The following DAB1 variants were observed in gnomAD, a reference collection of about 807,000 sequenced individuals.
DAB1 encodes disabled homolog 1.
Under a neutral mutation model 64.6 loss-of-function variants are expected in DAB1, and 15 were observed. The ratio of observed to expected loss-of-function variants is 0.23; its 90% CI spans 0.16 to 0.36. The LOEUF is 0.36. Among genes scored for constraint, DAB1 ranks in the 10% least tolerant of loss-of-function variants. The pLI, the probability that DAB1 is intolerant of heterozygous loss-of-function variation, is 1.00. For synonymous variants in DAB1, 235 were observed against 251.9 expected (o/e 0.93, Z 0.64); for missense variants, 596 against 706.7 (o/e 0.84, Z 1.78).
At chr1:57,186,085 C>T (rs758760070) in intron 2 of DAB1, among the ~76,000 whole-genome samples, 34 of 152,186 alleles carry the variant, frequency 2.2e-4, no homozygotes, top group South Asian at 6.2e-4. Context: ...CCAGGTGAAT[C>T]AATGTCCCTG....
intron 2 of DAB1, among the ~76,000 whole-genome samples, chr1:58,508,594 C>T (rs1345570116): frequency 1.1e-4 from 17 of 152,176 alleles, no homozygotes; most frequent in Non-Finnish European, 1.5e-5. Context: ...CCCACCACTC[C>T]TTGGGGAAGG....
chr1:57,956,143 G>T (rs1175988485), intron 5 of DAB1, among the ~76,000 whole-genome samples: 1 of 152,100 alleles, frequency 6.6e-6, no homozygotes, highest in South Asian at 2.1e-4. Context: ...CTAAGTCAGG[G>T]GAACATTTAT....
At chr1:58,100,931 T>C (rs1178442091) in intron 5 of DAB1, among the ~76,000 whole-genome samples, 3 of 152,086 alleles carry the variant, frequency 2.0e-5, no homozygotes, top group Non-Finnish European at 4.4e-5. Context: ...CAGAAGAAAC[T>C]GAAGTCAAGG....
intron 5 of DAB1, among the ~76,000 whole-genome samples, chr1:57,952,142 C>T (rs780179497): frequency 6.6e-6 from 1 of 152,046 alleles, no homozygotes; most frequent in East Asian, 1.9e-4. Flanking sequence ...CCTCCAGGAA[C>T]GACCACATGA....
chr1:58,236,181 A>C (rs1660029337), intron 4 of DAB1, among the ~76,000 whole-genome samples: 1 of 150,212 alleles, frequency 6.7e-6, no homozygotes, highest in Non-Finnish European at 1.5e-5. Context: ...AAGGCCAAGG[A>C]GGGAGGGAAC....
chr1:58,246,842 G>A (rs1660559038), intron 4 of DAB1, among the ~76,000 whole-genome samples: 1 of 152,064 alleles, frequency 6.6e-6, no homozygotes, highest in African/African-American at 2.4e-5. Context: ...CTCTGTGTGT[G>A]AAGGTGTGTG....
chr1:58,054,217 C>T (rs1025739814), intron 5 of DAB1, among the ~76,000 whole-genome samples: 7 of 152,314 alleles, frequency 4.6e-5, no homozygotes, highest in South Asian at 4.1e-4. Flanking sequence ...GTTTTAGCTG[C>T]CTTTCTCCTT....
intron 3 of DAB1, among the ~76,000 whole-genome samples, chr1:58,456,521 G>C (rs1217247337): frequency 6.6e-6 from 1 of 152,202 alleles, no homozygotes; most frequent in Non-Finnish European, 1.5e-5. Context: ...TGTGGCAATG[G>C]AGGAGTGTGA....
intron 4 of DAB1, among the ~76,000 whole-genome samples, chr1:57,106,899 G>T (rs1368433555): frequency 6.6e-6 from 1 of 152,146 alleles, no homozygotes; most frequent in African/African-American, 2.4e-5. Context: ...CAAAGTAGGA[G>T]ATAGCACAGA....
chr1:57,062,851 G>A (rs775022303), intron 9 of DAB1, 33 bp downstream of exon 9: 59 of 1,584,856 alleles, frequency 3.7e-5, no homozygotes, highest in East Asian at 6.7e-5. Context: ...TCCAGGTCAC[G>A]GAAACCTGGC....
chr1:57,335,159 C>A (rs1676974953), intron 1 of DAB1, among the ~76,000 whole-genome samples: 1 of 151,986 alleles, frequency 6.6e-6, no homozygotes, highest in African/African-American at 2.4e-5. Context: ...TCCTGGCTTT[C>A]TTCTGGAGAC....
intron 7 of DAB1, among the ~76,000 whole-genome samples, chr1:57,586,441 C>T (rs1319132448): frequency 2.6e-5 from 4 of 151,290 alleles, no homozygotes; most frequent in Non-Finnish European, 4.4e-5. Flanking sequence ...TTTGTCTTTT[C>T]TCTTTTCTTT....
upstream of DAB1, among the ~76,000 whole-genome samples, chr1:57,426,785 G>A (rs573405035): frequency 2.6e-5 from 4 of 151,972 alleles, no homozygotes; most frequent in African/African-American, 7.2e-5. Context: ...TTCTGTCTAC[G>A]TCAAAATTCT....
chr1:58,282,833 C>T (rs922912425), intron 4 of DAB1, among the ~76,000 whole-genome samples: 6 of 152,210 alleles, frequency 3.9e-5, no homozygotes, highest in Non-Finnish European at 8.8e-5. Context: ...GCGACTGCTC[C>T]CAGCTCTGTC....
At chr1:58,521,888 A>C (rs960197101) in intron 2 of DAB1, among the ~76,000 whole-genome samples, 4 of 152,186 alleles carry the variant, frequency 2.6e-5, no homozygotes, top group African/African-American at 9.7e-5. Flanking sequence ...GAAAATGAAG[A>C]ACACTTCCCT....
intron 5 of DAB1, among the ~76,000 whole-genome samples, chr1:58,021,398 A>G (rs1557613085): frequency 6.6e-6 from 1 of 152,256 alleles, no homozygotes; most frequent in Non-Finnish European, 1.5e-5. Flanking sequence ...TATTTTATGG[A>G]TGAGGAAACT....
intron 7 of DAB1, among the ~76,000 whole-genome samples, chr1:57,442,444 C>T (rs1685991564): frequency 2.0e-5 from 3 of 152,146 alleles, no homozygotes. Flanking sequence ...GCTGACAATC[C>T]TGGTATTCAA....
intron 1 of DAB1, among the ~76,000 whole-genome samples, chr1:57,310,936 C>T (rs563097739): frequency 1.2e-4 from 18 of 151,824 alleles, no homozygotes; most frequent in East Asian, 3.9e-4. Flanking sequence ...TTTGAGGCTG[C>T]GCTGAGTGAT....
At chr1:57,759,924 G>T (rs902625268) in intron 6 of DAB1, among the ~76,000 whole-genome samples, 5 of 152,104 alleles carry the variant, frequency 3.3e-5, no homozygotes, top group Non-Finnish European at 7.4e-5. Context: ...GCATACAAGA[G>T]CAACGCATTG....
Sources: gnomAD v4.1 joint callset for allele counts (sites outside exome capture counted in the v4.1 genomes callset) on GRCh38, gnomAD v4.1.1 for gene constraint, MANE v1.5 for transcripts, NCBI Gene and HGNC (gene_info 2026-07-23, HGNC 2026-07-21) for gene names.